ABL2: variants seen among roughly 807,000 people sequenced by gnomAD.
The protein encoded by ABL2 is ABL proto-oncogene 2, non-receptor tyrosine kinase.
In ABL2, 49 loss-of-function variants were observed where a neutral mutation model predicts 107.7. The ratio of observed to expected loss-of-function variants is 0.45; its 90% CI spans 0.36 to 0.58. The LOEUF (loss-of-function observed/expected upper bound fraction) is 0.58, where lower values mean the gene tolerates loss of function less well. Among genes scored for constraint, ABL2 ranks in the 20% least tolerant of loss-of-function variants. ABL2 has a pLI of 0.00. For synonymous variants in ABL2, 549 were observed against 548.6 expected (o/e 1.00, Z -0.01); for missense variants, 1,245 against 1,457.0 (o/e 0.85, Z 2.37).
chr1:179,168,177 AATGACATT>A (rs1422846502), intron 1 of ABL2, among the ~76,000 whole-genome samples: 2 of 152,194 alleles, frequency 1.3e-5, no homozygotes, highest in Non-Finnish European at 2.9e-5. Flanking sequence ...TCCATTTTAA[AATGACATT>A]ACAGTTGTCC....
chr1:179,201,240 G>A (rs1289630646), intron 1 of ABL2, among the ~76,000 whole-genome samples: 1 of 152,174 alleles, frequency 6.6e-6, no homozygotes, highest in African/African-American at 2.4e-5. Flanking sequence ...AAATAACATG[G>A]TTTTTTGTCT....
chr1:179,184,495 T>A (rs1660571283), intron 1 of ABL2: 8 of 775,626 alleles, frequency 1.0e-5, no homozygotes, highest in Non-Finnish European at 1.7e-5. Context: ...GGAAAGTTCA[T>A]CAAAGATGAC....
intron 1 of ABL2, among the ~76,000 whole-genome samples, chr1:179,157,632 T>C (rs1658782659): frequency 6.6e-6 from 1 of 151,990 alleles, no homozygotes. Context: ...TCTAGTGCAC[T>C]AGTCCATTGA....
At chr1:179,158,344 A>G (rs1044934653) in intron 1 of ABL2, among the ~76,000 whole-genome samples, 7 of 152,230 alleles carry the variant, frequency 4.6e-5, no homozygotes, top group African/African-American at 4.8e-5. Flanking sequence ...GGTGCTTTAC[A>G]TATATTATAA....
intron 1 of ABL2, among the ~76,000 whole-genome samples, chr1:179,193,075 G>C (rs1661106050): frequency 6.6e-6 from 1 of 151,986 alleles, no homozygotes; most frequent in Non-Finnish European, 1.5e-5. Context: ...TACATGGTAT[G>C]ATGGAGAAAA....
At chr1:179,208,082 C>T (rs7533158) in intron 1 of ABL2, among the ~76,000 whole-genome samples, 3,039 of 152,016 alleles carry the variant, frequency 0.02, 104 homozygotes, top group African/African-American at 0.068. Flanking sequence ...AAATAGTACA[C>T]GAAGACTAGC....
At chr1:179,200,598 G>A (rs1356616705) in intron 1 of ABL2, among the ~76,000 whole-genome samples, 1 of 152,066 alleles carries the variant, frequency 6.6e-6, no homozygotes, top group Non-Finnish European at 1.5e-5. Flanking sequence ...CCCAAAAAAT[G>A]CTACCTACCC....
At chr1:179,167,103 C>T (rs773786892) in intron 1 of ABL2, among the ~76,000 whole-genome samples, 3 of 152,120 alleles carry the variant, frequency 2.0e-5, no homozygotes, top group Non-Finnish European at 2.9e-5. Flanking sequence ...CCTGCATTCA[C>T]GTTTGTTTCA....
chr1:179,194,774 A>C (rs1175048627), intron 1 of ABL2, among the ~76,000 whole-genome samples: 1 of 151,900 alleles, frequency 6.6e-6, no homozygotes, highest in East Asian at 1.9e-4. Context: ...AGGAACAAAT[A>C]TGTTGCGTTT....
intron 1 of ABL2, among the ~76,000 whole-genome samples, chr1:179,215,024 G>A (rs983202575): frequency 2.0e-5 from 3 of 151,976 alleles, no homozygotes; most frequent in Non-Finnish European, 4.4e-5. Context: ...GCCGGGTGTG[G>A]TGGCGGGCGC....
intron 10 of ABL2, among the ~76,000 whole-genome samples, chr1:179,112,039 C>T (rs146662834): frequency 1.5e-4 from 23 of 149,162 alleles, no homozygotes; most frequent in African/African-American, 4.9e-4. Flanking sequence ...AGTGAGACTC[C>T]ATCTCAAAAA....
intron 1 of ABL2, among the ~76,000 whole-genome samples, chr1:179,225,493 A>T (rs1392937950): frequency 6.6e-6 from 1 of 152,196 alleles, no homozygotes. Context: ...TTCGAATCTA[A>T]TTCATTCATT....
intron 6 of ABL2, among the ~76,000 whole-genome samples, chr1:179,119,569 A>C (rs1466783013): frequency 5.9e-5 from 9 of 151,798 alleles, no homozygotes; most frequent in African/African-American, 9.7e-5. Flanking sequence ...AAAAAAAAAA[A>C]AACCTGGCCC....
At chr1:179,141,179 A>T (rs1264358088) in intron 1 of ABL2, among the ~76,000 whole-genome samples, 2 of 151,848 alleles carry the variant, frequency 1.3e-5, no homozygotes, top group East Asian at 3.9e-4. Flanking sequence ...CTGTAGTCCC[A>T]GCTACCCAGG....
At chr1:179,156,560 T>G (rs1658700602) in intron 1 of ABL2, among the ~76,000 whole-genome samples, 2 of 152,178 alleles carry the variant, frequency 1.3e-5, no homozygotes, top group South Asian at 4.1e-4. Context: ...TGGAAATTTT[T>G]CATTACATAC....
At chr1:179,121,466 AATTTGCTGAT>A in intron 5 of ABL2, 119 bp downstream of exon 5, 1 of 1,233,372 alleles carries the variant, frequency 8.1e-7, no homozygotes, top group Non-Finnish European at 1.1e-6. Context: ...TAATCATCTC[AATTTGCTGAT>A]GTGCTTGGCA....
At chr1:179,213,781 A>G (rs1018159786) in intron 1 of ABL2, among the ~76,000 whole-genome samples, 2 of 150,010 alleles carry the variant, frequency 1.3e-5, no homozygotes, top group Non-Finnish European at 3.0e-5. Context: ...TTACTGTGGT[A>G]AAAATAACTA....
chr1:179,196,907 C>T (rs1017801463), intron 1 of ABL2, among the ~76,000 whole-genome samples: 7 of 151,936 alleles, frequency 4.6e-5, no homozygotes, highest in African/African-American at 1.7e-4. Context: ...CAAACAGAAC[C>T]TGCAGAAATA....
At chr1:179,228,891 TG>T (rs1479250541) in intron 1 of ABL2, among the ~76,000 whole-genome samples, 2 of 152,148 alleles carry the variant, frequency 1.3e-5, no homozygotes, top group Non-Finnish European at 2.9e-5. Flanking sequence ...CTCCCACCTC[TG>T]GGACTGAGCT....
Sources: gnomAD v4.1 joint callset for allele counts (sites outside exome capture counted in the v4.1 genomes callset) on GRCh38, gnomAD v4.1.1 for gene constraint, MANE v1.5 for transcripts, NCBI Gene and HGNC (gene_info 2026-07-23, HGNC 2026-07-21) for gene names.